SOX5: variants seen among roughly 807,000 people sequenced by gnomAD.
SOX5 encodes SRY-box transcription factor 5.
Under a neutral mutation model 92.0 loss-of-function variants are expected in SOX5, and 9 were observed. The ratio of observed to expected loss-of-function variants is 0.10; its 90% CI spans 0.06 to 0.17. SOX5 has a LOEUF of 0.17. SOX5 is among the 10% of genes least tolerant of loss of function. The pLI is 1.00. For missense variants in SOX5, 642 were observed against 944.5 expected, an observed-to-expected ratio of 0.68 and a Z score of 4.20; for synonymous variants, 344 against 336.3, an observed-to-expected ratio of 1.02 and a Z score of -0.25.
chr12:23,713,633 A>C lies in SOX5; in HGVS notation c.810+21051T>G, dbSNP rs143815375. ...CACTATTAATATAAGGGAAATATAT[A>C]TTCTCCAGTGTCTCTGTGTGTGTGT... On this transcript the variant is annotated intron_variant, in intron 6 of 14. Coordinates refer to ENST00000451604, the MANE Select transcript of SOX5 (RefSeq NM_006940.6). 7.5e-3 allele frequency among the ~76,000 whole-genome samples: 1,115 copies of C among 149,618 alleles called. 9 individuals carry two copies. Among genetic ancestry groups the C allele is most frequent in the African/African-American group, 0.026 (1,053 of 40,372 alleles).
chr12:23,997,790 G>A lies in SOX5; in HGVS notation c.-1-101766C>T, dbSNP rs1330911752. Among the ~76,000 whole-genome samples, 3 of 151,982 alleles carry A rather than the reference G, an allele frequency of 2.0e-5. No homozygotes were observed. In the East Asian group the frequency reaches 5.8e-4, roughly 29 times the overall value. On this transcript the variant is annotated intron_variant, in intron 4 of 4. Coordinates refer to the SOX5 transcript ENST00000446891. ...CTAAAACGATTTAGAGGAAACCCTA[G>A]GAAGACAGATTTTAAAAGGAAAAGG...
intron 2 of SOX5, among the ~76,000 whole-genome samples, chr12:24,291,039 G>T (rs952294605): frequency 1.3e-5 from 2 of 152,102 alleles, no homozygotes; most frequent in Non-Finnish European, 2.9e-5. Context: ...TCCTCCCTTC[G>T]TATTAGGCAA....
chr12:24,534,728 G>A (rs1163728686), intron 1 of SOX5, among the ~76,000 whole-genome samples: 1 of 152,194 alleles, frequency 6.6e-6, no homozygotes, highest in Non-Finnish European at 1.5e-5. Context: ...AATTAAGTAT[G>A]TGACAGAAGT....
intron 6 of SOX5, among the ~76,000 whole-genome samples, chr12:23,703,127 T>C (rs1226499534): frequency 6.6e-6 from 1 of 152,030 alleles, no homozygotes; most frequent in Non-Finnish European, 1.5e-5. Flanking sequence ...TATCTTAACA[T>C]AATGAATAAG....
intron 4 of SOX5, among the ~76,000 whole-genome samples, chr12:24,158,013 GGA>G (rs989418661): frequency 3.3e-5 from 5 of 151,952 alleles, no homozygotes; most frequent in African/African-American, 1.2e-4. Context: ...TCCTTTAAAA[GGA>G]GAGTCTTGAA....
At chr12:24,471,168 G>A (rs1944784721) in intron 1 of SOX5, among the ~76,000 whole-genome samples, 1 of 152,062 alleles carries the variant, frequency 6.6e-6, no homozygotes. Context: ...CACATCCTTA[G>A]AGTTGGGTTA....
At chr12:23,790,548 T>TCTCGCA (rs1340837266) in intron 3 of SOX5, among the ~76,000 whole-genome samples, 8 of 137,322 alleles carry the variant, frequency 5.8e-5, no homozygotes, top group African/African-American at 1.9e-4. Context: ...TCTCAATCTC[T>TCTCGCA]CACACACACA....
chr12:24,518,514 G>A (rs1175654588), intron 1 of SOX5, among the ~76,000 whole-genome samples: 1 of 152,088 alleles, frequency 6.6e-6, no homozygotes, highest in Non-Finnish European at 1.5e-5. Context: ...AAAGTACAGA[G>A]AATCACTTAT....
intron 7 of SOX5, among the ~76,000 whole-genome samples, chr12:23,652,531 T>G (rs1030682538): frequency 6.6e-6 from 1 of 151,578 alleles, no homozygotes; most frequent in Non-Finnish European, 1.5e-5. Flanking sequence ...TTTTTTTTTT[T>G]TGAGCAATTC....
intron 3 of SOX5, among the ~76,000 whole-genome samples, chr12:23,784,846 G>A (rs1312755080): frequency 6.6e-6 from 1 of 152,152 alleles, no homozygotes; most frequent in Non-Finnish European, 1.5e-5. Flanking sequence ...AGAGGGTAAG[G>A]TGGGAGGAAT....
intron 4 of SOX5, among the ~76,000 whole-genome samples, chr12:23,976,743 A>G (rs1368177260): frequency 6.6e-6 from 1 of 152,110 alleles, no homozygotes; most frequent in African/African-American, 2.4e-5. Flanking sequence ...GAAGAACATC[A>G]GTCCCGCTGA....
intron 1 of SOX5, among the ~76,000 whole-genome samples, chr12:23,900,838 T>C (rs910026425): frequency 2.0e-5 from 3 of 152,028 alleles, no homozygotes; most frequent in African/African-American, 7.2e-5. Flanking sequence ...TGCACACCTG[T>C]AGTTCCAGCT....
intron 4 of SOX5, among the ~76,000 whole-genome samples, chr12:24,171,119 C>A (rs1954037899): frequency 7.0e-6 from 1 of 143,426 alleles, no homozygotes; most frequent in Non-Finnish European, 1.5e-5. Flanking sequence ...CTAAGCCTTT[C>A]CCTCTGCTCC....
In SOX5 at chr12:23,628,295, T is replaced by C. The variant is rs147681162; in HGVS notation, c.1017+12517A>G. On this transcript the variant is annotated intron_variant, in intron 8 of 14. Coordinates refer to ENST00000451604, the MANE Select transcript of SOX5 (RefSeq NM_006940.6). ...AAATACTTGGAGCACATATTTAAAA[T>C]AGTAGGAGTCATATGCTACAGTATA... 5.7e-4 allele frequency among the ~76,000 whole-genome samples: 86 copies of C among 152,132 alleles called. No homozygotes were observed. The East Asian group carries it at 0.015, about 27-fold the overall frequency.
At chr12:24,500,733 A>T (rs1312722503) in intron 1 of SOX5, among the ~76,000 whole-genome samples, 1 of 152,176 alleles carries the variant, frequency 6.6e-6, no homozygotes, top group East Asian at 1.9e-4. Flanking sequence ...GAGAGTTCTT[A>T]GCTACCGCTG....
At chr12:24,470,389 AT>A (rs1287049487) in intron 1 of SOX5, among the ~76,000 whole-genome samples, 3 of 152,216 alleles carry the variant, frequency 2.0e-5, no homozygotes, top group Admixed American at 2.0e-4. Flanking sequence ...AGAGAAGTAA[AT>A]TTAGGCTAAA....
At chr12:23,712,224 G>A (rs2092119946) in intron 6 of SOX5, among the ~76,000 whole-genome samples, 1 of 152,138 alleles carries the variant, frequency 6.6e-6, no homozygotes, top group Middle Eastern at 3.2e-3. Flanking sequence ...CAAATATTTT[G>A]GTATCATATT....
At chr12:23,535,735 C>T (rs766346260) in intron 14 of SOX5, among the ~76,000 whole-genome samples, 1 of 152,196 alleles carries the variant, frequency 6.6e-6, no homozygotes, top group Non-Finnish European at 1.5e-5. Flanking sequence ...ATGAGTCCTT[C>T]TCTGCCCATA....
At chr12:24,472,406 A>G (rs1034616845) in intron 1 of SOX5, among the ~76,000 whole-genome samples, 1 of 152,228 alleles carries the variant, frequency 6.6e-6, no homozygotes, top group Non-Finnish European at 1.5e-5. Flanking sequence ...CCTAATTAGG[A>G]GAGAACCTCT....
Sources: gnomAD v4.1 joint callset for allele counts (sites outside exome capture counted in the v4.1 genomes callset) on GRCh38, gnomAD v4.1.1 for gene constraint, MANE v1.5 for transcripts, NCBI Gene and HGNC (gene_info 2026-07-23, HGNC 2026-07-21) for gene names.